Variants in SH3RF1 observed in about 807,000 individuals in gnomAD.
The protein encoded by SH3RF1 is E3 ubiquitin-protein ligase SH3RF1.
In SH3RF1, 32 loss-of-function variants were observed where a neutral mutation model predicts 74.0. The observed-to-expected ratio is 0.43, with a 90% confidence interval of 0.33 to 0.58. The LOEUF (loss-of-function observed/expected upper bound fraction) is 0.58. Among genes scored for constraint, SH3RF1 ranks in the 20% least tolerant of loss-of-function variants. SH3RF1 has a pLI of 0.05. For synonymous variants in SH3RF1, 396 were observed against 439.6 expected (o/e 0.90, Z 1.24); for missense variants, 954 against 1,130.9 (o/e 0.84, Z 2.24).
At chr4:169,252,722 G>A (rs1231273701) in intron 2 of SH3RF1, among the ~76,000 whole-genome samples, 1 of 152,208 alleles carries the variant, frequency 6.6e-6, no homozygotes, top group African/African-American at 2.4e-5. Context: ...CAGGGACAGA[G>A]AATAAATACG....
chr4:169,261,620 A>G (rs1287968375), intron 2 of SH3RF1, among the ~76,000 whole-genome samples: 1 of 151,856 alleles, frequency 6.6e-6, no homozygotes, highest in African/African-American at 2.4e-5. Flanking sequence ...AAAAAAAAAG[A>G]ATGCATAATA....
chr4:169,268,402 AT>A (rs1731388313), intron 2 of SH3RF1, among the ~76,000 whole-genome samples: 1 of 152,196 alleles, frequency 6.6e-6, no homozygotes, highest in South Asian at 2.1e-4. Flanking sequence ...TTGATTTCCT[AT>A]TTATGATTTA....
intron 10 of SH3RF1, 91 bp from the exon 11 acceptor site, chr4:169,107,296 T>A (rs1325350008): frequency 8.5e-7 from 1 of 1,177,892 alleles, no homozygotes; most frequent in East Asian, 2.5e-5. Context: ...TACTACTTTT[T>A]AATTTTTAAT....
chr4:169,117,428 T>C (rs1733355033), intron 9 of SH3RF1, 95 bp downstream of exon 9: 2 of 1,533,316 alleles, frequency 1.3e-6, no homozygotes, highest in Non-Finnish European at 1.8e-6. Context: ...ATTATTAAAA[T>C]TACATCTACA....
Position 169,164,277 on chromosome 4 carries a change from A to C in SH3RF1, c.394-7598T>G, listed in dbSNP as rs529942217. Among the ~76,000 whole-genome samples, 9 of 152,324 alleles carry C rather than the reference A, an allele frequency of 5.9e-5. No homozygotes were observed. The South Asian group carries it at 1.9e-3, about 32-fold the overall frequency. On this transcript the variant is annotated intron_variant, in intron 2 of 11. Coordinates refer to ENST00000284637, the MANE Select transcript of SH3RF1 (RefSeq NM_020870.4). ...AACTTCTTGCTGAATAAATTAATGAAAGAACAAAAGTTATCTCTAGTGGAC... is the reference window on the plus strand; with the variant it reads ...AACTTCTTGCTGAATAAATTAATGACAGAACAAAAGTTATCTCTAGTGGAC...
At chr4:169,173,999 T>TTTTA (rs146375577) in intron 2 of SH3RF1, among the ~76,000 whole-genome samples, 2 of 149,094 alleles carry the variant, frequency 1.3e-5, no homozygotes, top group Admixed American at 6.7e-5. Context: ...ATTTCCTGAG[T>TTTTA]TATATATATA....
intron 2 of SH3RF1, chr4:169,217,161 C>CA (rs563116493): frequency 0.073 from 5,127 of 70,570 alleles, 210 homozygotes; most frequent in Admixed American, 0.23. Context: ...GACCCTGTCT[C>CA]AAAAAAAAAA....
At chr4:169,216,216 T>G (rs149098537) in intron 2 of SH3RF1, among the ~76,000 whole-genome samples, 110 of 152,250 alleles carry the variant, frequency 7.2e-4, no homozygotes, top group African/African-American at 2.5e-3. Flanking sequence ...TCTTAGTTTG[T>G]TATAACACAT....
Position 169,268,805 on chromosome 4 carries a change from C to CT in SH3RF1, c.393+14dup. On this transcript the variant is annotated intron_variant, in intron 2 of 11. Transcript: ENST00000284637. Reference sequence around the variant, plus strand: ...ACCACCTTTATTCACCAAACTACCTCTGTAGGCTACTTACCCTCACTGGGG... The same window carrying CT: ...ACCACCTTTATTCACCAAACTACCTCTTGTAGGCTACTTACCCTCACTGGGG... 1.9e-6 allele frequency: 3 copies of CT among 1,555,006 alleles called. No individual in the cohort carries two copies. The highest frequency in any genetic ancestry group is 2.6e-6 in the Non-Finnish European group (3 of 1,154,726).
chr4:169,116,134 G>A (rs1733327225), intron 10 of SH3RF1, 135 bp downstream of exon 10: 4 of 1,262,892 alleles, frequency 3.2e-6, no homozygotes, highest in Admixed American at 2.4e-5. Context: ...CTGGCATAGT[G>A]ACTCACACGT....
chr4:169,250,829 G>T (rs1164012221), intron 2 of SH3RF1, among the ~76,000 whole-genome samples: 1 of 152,156 alleles, frequency 6.6e-6, no homozygotes, highest in African/African-American at 2.4e-5. Context: ...GGATATGGTG[G>T]TCACAGAAGA....
intron 2 of SH3RF1, among the ~76,000 whole-genome samples, chr4:169,188,093 C>A (rs907936415): frequency 6.6e-6 from 1 of 151,964 alleles, no homozygotes; most frequent in Non-Finnish European, 1.5e-5. Flanking sequence ...CTTCCTAGAG[C>A]CTTCAGAGAG....
rs147988327 is a variant in SH3RF1, at chr4:169,136,207, T to C, written c.1068+111A>G. Reference sequence around the variant, plus strand: ...GTTTTGCTTCCCAGAAAAGTTACTATCTTCAGAAGTTCAAAATAAGCAATG... The same window carrying C: ...GTTTTGCTTCCCAGAAAAGTTACTACCTTCAGAAGTTCAAAATAAGCAATG... On this transcript the variant is annotated intron_variant, in intron 5 of 11. Transcript: ENST00000284637. 20 of 1,169,272 alleles carry C rather than the reference T, an allele frequency of 1.7e-5. No individual in the cohort carries two copies. In the East Asian group the frequency reaches 5.2e-4, roughly 30 times the overall value. The allele number at this position is 1,169,272 out of a possible 1,614,324, so 72.4% of individuals were successfully genotyped here.
chr4:169,112,508 G>T (rs1733259146), intron 10 of SH3RF1, among the ~76,000 whole-genome samples: 1 of 152,130 alleles, frequency 6.6e-6, no homozygotes, highest in East Asian at 1.9e-4. Context: ...AACCCAAAAG[G>T]GAAGATGCTT....
intron 2 of SH3RF1, among the ~76,000 whole-genome samples, chr4:169,196,744 T>C (rs777511876): frequency 1.3e-5 from 2 of 152,186 alleles, no homozygotes; most frequent in Non-Finnish European, 2.9e-5. Flanking sequence ...TCAGGAATGT[T>C]AATCCAAATT....
At chr4:169,105,083 G>A (rs905011394) in intron 11 of SH3RF1, among the ~76,000 whole-genome samples, 1 of 152,048 alleles carries the variant, frequency 6.6e-6, no homozygotes, top group Non-Finnish European at 1.5e-5. Context: ...AAATACAGAG[G>A]TAAGGTGAAT....
intron 2 of SH3RF1, among the ~76,000 whole-genome samples, chr4:169,174,840 G>T (rs1229872259): frequency 7.7e-6 from 1 of 130,152 alleles, no homozygotes; most frequent in Non-Finnish European, 1.7e-5. Context: ...CTCATATGAA[G>T]CGCTAAGAAC....
intron 2 of SH3RF1, among the ~76,000 whole-genome samples, chr4:169,164,747 C>G (rs904942534): frequency 6.6e-6 from 1 of 152,112 alleles, no homozygotes; most frequent in Non-Finnish European, 1.5e-5. Flanking sequence ...AAGCAAATGG[C>G]TGGCATTTGA....
At chr4:169,193,240 C>G (rs1477382718) in intron 2 of SH3RF1, among the ~76,000 whole-genome samples, 2 of 152,098 alleles carry the variant, frequency 1.3e-5, no homozygotes, top group African/African-American at 2.4e-5. Context: ...CTAAAGAACT[C>G]ACTTATGTAA....
Sources: allele counts gnomAD v4.1 joint callset (sites outside exome capture counted in the v4.1 genomes callset), GRCh38; gene constraint gnomAD v4.1.1; transcripts MANE v1.5; gene names NCBI Gene and HGNC (gene_info 2026-07-23, HGNC 2026-07-21).